Variants in CRTC3 observed in about 807,000 individuals in gnomAD.
CRTC3 encodes CREB-regulated transcription coactivator 3.
Under a neutral mutation model 74.5 loss-of-function variants are expected in CRTC3, and 26 were observed. That is an observed-to-expected ratio of 0.35 (90% CI 0.26 to 0.48). The LOEUF (loss-of-function observed/expected upper bound fraction) is 0.48, where lower values mean the gene tolerates loss of function less well. Ranked by LOEUF, CRTC3 falls within the 20% of genes least tolerant of loss-of-function variation. CRTC3 has a pLI of 0.99. For synonymous variants in CRTC3, 377 were observed against 325.8 expected, an observed-to-expected ratio of 1.16 and a Z score of -1.69; for missense variants, 760 against 787.3, an observed-to-expected ratio of 0.97 and a Z score of 0.41.
intron 2 of CRTC3, among the ~76,000 whole-genome samples, chr15:90,551,936 A>G (rs929988969): frequency 0.011 from 236 of 21,046 alleles, 7 homozygotes; most frequent in African/African-American, 0.019. Context: ...ACACGCACAC[A>G]CACACACGCA....
chr15:90,559,894 T>G (rs1331747822), intron 2 of CRTC3, among the ~76,000 whole-genome samples: 4 of 152,238 alleles, frequency 2.6e-5, no homozygotes, highest in Non-Finnish European at 5.9e-5. Flanking sequence ...CCATCCGCCT[T>G]GGCCTCCCAA....
chr15:90,578,495 A>G (rs1967459724), intron 2 of CRTC3, among the ~76,000 whole-genome samples: 1 of 152,144 alleles, frequency 6.6e-6, no homozygotes, highest in South Asian at 2.1e-4. Context: ...CAGAGGGTAT[A>G]GTAAGCTGAG....
Position 90,642,059 on chromosome 15 carries a change from C to T in CRTC3, c.1779C>T (p.Asp593=), listed in dbSNP as rs71407320. The T allele has an allele frequency of 0.076, 122,153 of 1,613,782 alleles. 5,247 individuals are homozygous for T. Among genetic ancestry groups the T allele is most frequent in the Non-Finnish European group, 0.087 (102,463 of 1,179,838 alleles). The part of the protein sequence containing the change: ...EELQIEPLSL[D]GLNMLSDSSM... Reference sequence around the variant, plus strand: ...TGCAGATTGAACCCCTGAGCCTGGACGGACTCAACATGTTAAGTGACTCCA... The same window carrying T: ...TGCAGATTGAACCCCTGAGCCTGGATGGACTCAACATGTTAAGTGACTCCA... Residue 593 remains aspartate, a synonymous_variant, in exon 15 of 15, where the codon GAC becomes GAT. Transcript: ENST00000268184.
intron 3 of CRTC3, chr15:90,596,173 T>C (rs1333550427): frequency 6.6e-6 from 1 of 152,260 alleles, no homozygotes; most frequent in East Asian, 1.9e-4. Flanking sequence ...AAGGGAGGCA[T>C]ACTTCCTGCT....
chr15:90,643,546 T>A lies in CRTC3; in HGVS notation c.*1406T>A, dbSNP rs189710519. ...ACGTTTGGCTCTAAATTGCTTCAAG[T>A]AGAGATTCATTCTTTGAGGTTGAAA... is the stretch of plus-strand genomic sequence containing the variant. On this transcript the variant is annotated 3_prime_UTR_variant, in exon 15 of 15. Coordinates refer to ENST00000268184, the MANE Select transcript of CRTC3 (RefSeq NM_022769.5). The A allele has an allele frequency of 4.4e-6, 1 of 229,154 alleles. No individual in the cohort carries two copies. Among genetic ancestry groups the A allele is most frequent in the East Asian group, 6.2e-5 (1 of 16,090 alleles). The allele number at this position is 229,154 out of a possible 1,614,324, so 14.2% of individuals were successfully genotyped here. A position where few individuals can be genotyped will look rare whatever the true frequency, so the allele number is the denominator to read the frequency against.
At chr15:90,582,510 G>A (rs1366223747) in intron 2 of CRTC3, among the ~76,000 whole-genome samples, 3 of 152,134 alleles carry the variant, frequency 2.0e-5, no homozygotes, top group Admixed American at 1.3e-4. Context: ...TTTTAATAAC[G>A]ATCAACACTT....
At chr15:90,626,130 T>A in intron 10 of CRTC3, 137 bp downstream of exon 10, 1 of 726,342 alleles carries the variant, frequency 1.4e-6, no homozygotes. Context: ...TTGTATCTCC[T>A]GACCCTGCGG....
chr15:90,561,800 A>G (rs952200958), intron 2 of CRTC3, among the ~76,000 whole-genome samples: 2 of 152,244 alleles, frequency 1.3e-5, no homozygotes, highest in Non-Finnish European at 2.9e-5. Flanking sequence ...AAATTTCACA[A>G]TAGTCAGGAG....
At chr15:90,603,401 C>T (rs1414684543) in intron 4 of CRTC3, among the ~76,000 whole-genome samples, 1 of 151,980 alleles carries the variant, frequency 6.6e-6, no homozygotes, top group Non-Finnish European at 1.5e-5. Context: ...CGAGATCACG[C>T]CACTGCACTC....
At chr15:90,558,465 C>A (rs950090671) in intron 2 of CRTC3, among the ~76,000 whole-genome samples, 1 of 152,206 alleles carries the variant, frequency 6.6e-6, no homozygotes, top group East Asian at 1.9e-4. Context: ...CTGCTCTTAG[C>A]TGCTTACCAC....
intron 4 of CRTC3, among the ~76,000 whole-genome samples, chr15:90,603,391 C>G (rs140760116): frequency 1.7e-4 from 26 of 150,712 alleles, no homozygotes; most frequent in African/African-American, 5.8e-4. Context: ...TGCAGTGAGC[C>G]GAGATCACGC....
intron 11 of CRTC3, among the ~76,000 whole-genome samples, chr15:90,632,187 ATTATT>A (rs1969063757): frequency 6.6e-6 from 1 of 151,838 alleles, no homozygotes. Flanking sequence ...ATTTTGCAAG[ATTATT>A]TTATAAGATC....
At chr15:90,555,395 A>G (rs1966879442) in intron 2 of CRTC3, among the ~76,000 whole-genome samples, 1 of 152,250 alleles carries the variant, frequency 6.6e-6, no homozygotes, top group South Asian at 2.1e-4. Context: ...TATCTGGTTT[A>G]TGAAGAAAAT....
chr15:90,601,262 A>T (rs1284193828), intron 3 of CRTC3, among the ~76,000 whole-genome samples: 1 of 152,212 alleles, frequency 6.6e-6, no homozygotes, highest in Non-Finnish European at 1.5e-5. Flanking sequence ...TGGTAGACCC[A>T]GTGAACAACA....
chr15:90,538,348 C>T (rs1596067942), intron 1 of CRTC3, among the ~76,000 whole-genome samples: 1 of 152,136 alleles, frequency 6.6e-6, no homozygotes, highest in South Asian at 2.1e-4. Flanking sequence ...ATGTCGTCCT[C>T]CTCATGTTTG....
Position 90,593,768 on chromosome 15 carries a change from A to G in CRTC3, c.351+13A>G, listed in dbSNP as rs1161812346. On this transcript the variant is annotated intron_variant, in intron 3 of 14. Transcript: ENST00000268184. ...GCCAGGGCGACAAATATCCTTTTTT[A>G]CTCTTCAAAGGGAGTGTGCATTCTG... The G allele has an allele frequency of 6.3e-7, 1 of 1,593,598 alleles. No homozygotes were observed. The highest frequency in any genetic ancestry group is 1.7e-5 in the Admixed American group (1 of 59,460).
At chr15:90,558,948 C>T (rs1346047341) in intron 2 of CRTC3, among the ~76,000 whole-genome samples, 2 of 152,000 alleles carry the variant, frequency 1.3e-5, no homozygotes, top group African/African-American at 4.8e-5. Context: ...GACAGGATTT[C>T]ACCATGTTGG....
intron 9 of CRTC3, among the ~76,000 whole-genome samples, chr15:90,622,605 C>T (rs1402156407): frequency 6.6e-6 from 1 of 152,210 alleles, no homozygotes; most frequent in African/African-American, 2.4e-5. Context: ...AATCGCAGCA[C>T]TTTGGGAGGC....
intron 7 of CRTC3, among the ~76,000 whole-genome samples, chr15:90,616,103 T>C (rs1319156043): frequency 6.6e-6 from 1 of 152,140 alleles, no homozygotes; most frequent in Non-Finnish European, 1.5e-5. Flanking sequence ...ATCATTATAT[T>C]AATGATTAAG....
Sources: gnomAD v4.1 joint callset for allele counts (sites outside exome capture counted in the v4.1 genomes callset) on GRCh38, gnomAD v4.1.1 for gene constraint, MANE v1.5 for transcripts, NCBI Gene and HGNC (gene_info 2026-07-23, HGNC 2026-07-21) for gene names.